The following STXBP4 variants were observed in gnomAD, a reference collection of about 807,000 sequenced individuals.
The protein encoded by STXBP4 is syntaxin binding protein 4, also known as syntaxin-binding protein 4.
In STXBP4, 55 loss-of-function variants were observed where a neutral mutation model predicts 76.1. The ratio of observed to expected loss-of-function variants is 0.72; its 90% CI spans 0.58 to 0.91. The LOEUF (loss-of-function observed/expected upper bound fraction) is 0.91, where lower values mean the gene tolerates loss of function less well. Ranked by LOEUF, STXBP4 falls within the 40% of genes least tolerant of loss-of-function variation. The pLI is 0.00. For synonymous variants in STXBP4, 201 were observed against 220.2 expected (o/e 0.91, Z 0.77); for missense variants, 618 against 636.9 (o/e 0.97, Z 0.32).
intron 1 of STXBP4, among the ~76,000 whole-genome samples, chr17:54,979,734 G>A (rs1268831023): frequency 2.0e-5 from 3 of 152,140 alleles, no homozygotes; most frequent in African/African-American, 7.2e-5. Context: ...TTATTATGAA[G>A]AGACTATTTG....
chr17:55,192,595 G>A, the STXBP4 span, among the ~76,000 whole-genome samples: 1 of 152,120 alleles, frequency 6.6e-6, no homozygotes, highest in Admixed American at 6.5e-5. Flanking sequence ...CCTGAAGAGG[G>A]GAGAAATCAC....
At chr17:55,077,387 T>C (rs533089509) in intron 13 of STXBP4, among the ~76,000 whole-genome samples, 1 of 152,246 alleles carries the variant, frequency 6.6e-6, no homozygotes, top group South Asian at 2.1e-4. Flanking sequence ...CAAACCTGTG[T>C]GAATGGGGAC....
At chr17:55,210,111 G>A in the STXBP4 span, among the ~76,000 whole-genome samples, 2 of 152,180 alleles carry the variant, frequency 1.3e-5, no homozygotes, top group Non-Finnish European at 2.9e-5. Context: ...GCCCACTGAT[G>A]TACCACAGAT....
chr17:55,011,232 AT>A (rs968555049), intron 8 of STXBP4, among the ~76,000 whole-genome samples: 50 of 151,722 alleles, frequency 3.3e-4, no homozygotes, highest in East Asian at 7.7e-4. Flanking sequence ...TATTTGCATT[AT>A]TTTTTTTAAT....
chr17:55,210,787 C>A, the STXBP4 span, among the ~76,000 whole-genome samples: 1 of 152,152 alleles, frequency 6.6e-6, no homozygotes, highest in Non-Finnish European at 1.5e-5. Context: ...AATATGGGCC[C>A]TGCTCTTTTT....
At chr17:55,190,487 T>A in the STXBP4 span, among the ~76,000 whole-genome samples, 1 of 152,210 alleles carries the variant, frequency 6.6e-6, no homozygotes, top group East Asian at 1.9e-4. Flanking sequence ...ATGTCTGACA[T>A]TCCTGCTACA....
chr17:55,158,410 G>A (rs1012838262), intron 17 of STXBP4, among the ~76,000 whole-genome samples: 5 of 152,192 alleles, frequency 3.3e-5, no homozygotes, highest in African/African-American at 4.8e-5. Context: ...GGAGGACGAA[G>A]GCTAGGGAAA....
chr17:55,199,028 T>C, the STXBP4 span, among the ~76,000 whole-genome samples: 1 of 152,190 alleles, frequency 6.6e-6, no homozygotes, highest in Non-Finnish European at 1.5e-5. Flanking sequence ...TTTACAGAAA[T>C]ATTTAATAAA....
intron 12 of STXBP4, among the ~76,000 whole-genome samples, chr17:55,054,446 A>C (rs921496050): frequency 1.3e-5 from 2 of 152,178 alleles, no homozygotes; most frequent in African/African-American, 4.8e-5. Context: ...CTGAGACTAC[A>C]CTGCACTCCA....
chr17:55,211,821 T>C, the STXBP4 span, among the ~76,000 whole-genome samples: 5 of 134,178 alleles, frequency 3.7e-5, no homozygotes, highest in East Asian at 6.2e-4. Context: ...TTTTTTTTTT[T>C]TTTTTTTGAC....
the STXBP4 span, among the ~76,000 whole-genome samples, chr17:55,189,921 A>AAT: frequency 6.6e-6 from 1 of 152,156 alleles, no homozygotes; most frequent in Non-Finnish European, 1.5e-5. Flanking sequence ...TCCTCTCTAG[A>AAT]AGAGTAGAGA....
rs181332147 is a variant in STXBP4 at position 55,002,337 on chromosome 17, T to C, written c.574+1454T>C. On this transcript the variant is annotated intron_variant, in intron 7 of 17. Transcript: ENST00000376352. ...CCTTTTATTCAGTAAGGTTTTACTA[T>C]GTTATATGTGTAGAATACAGTACAA... 3.2e-3 allele frequency among the ~76,000 whole-genome samples: 480 copies of C among 152,350 alleles called. 1 individual carries two copies. The highest frequency in any genetic ancestry group is 4.5e-3 in the Non-Finnish European group (308 of 68,026).
At chr17:55,032,240 A>G (rs1333453266) in intron 9 of STXBP4, among the ~76,000 whole-genome samples, 1 of 151,674 alleles carries the variant, frequency 6.6e-6, no homozygotes, top group Non-Finnish European at 1.5e-5. Context: ...AAGCATCTGT[A>G]TTGCTGAAAA....
intron 16 of STXBP4, among the ~76,000 whole-genome samples, chr17:55,092,164 C>T (rs2079423180): frequency 6.6e-6 from 1 of 151,968 alleles, no homozygotes; most frequent in African/African-American, 2.4e-5. Context: ...AGTAGGAAGG[C>T]TGGGAGGGGG....
At chr17:55,062,809 T>C (rs1181330446) in intron 12 of STXBP4, among the ~76,000 whole-genome samples, 1 of 152,224 alleles carries the variant, frequency 6.6e-6, no homozygotes. Flanking sequence ...CGTGAGATGC[T>C]ATCTCATTGT....
chr17:54,976,025 A>G (rs1267569795), intron 1 of STXBP4, among the ~76,000 whole-genome samples: 3 of 152,026 alleles, frequency 2.0e-5, no homozygotes, highest in African/African-American at 7.2e-5. Context: ...TTTTTCTCCC[A>G]CCACTAGAAT....
intron 1 of STXBP4, among the ~76,000 whole-genome samples, chr17:54,984,617 A>G (rs2077600645): frequency 6.6e-6 from 1 of 151,912 alleles, no homozygotes; most frequent in Non-Finnish European, 1.5e-5. Context: ...TACTAGGATT[A>G]CAGGCGTGAA....
chr17:55,156,668 T>G (rs997088069), intron 17 of STXBP4, among the ~76,000 whole-genome samples: 1 of 152,218 alleles, frequency 6.6e-6, no homozygotes, highest in Non-Finnish European at 1.5e-5. Context: ...GTCTCTCTGT[T>G]GCTTTAGTTT....
chr17:55,117,498 A>C lies in STXBP4; in HGVS notation c.1490-23812A>C, dbSNP rs1275836278. ...TTGACTGAATACACATCACATGATCAAGGCTTCCCAACACCCTGACTTTGA... is the reference window on the plus strand; with the variant it reads ...TTGACTGAATACACATCACATGATCCAGGCTTCCCAACACCCTGACTTTGA... On this transcript the variant is annotated intron_variant, in intron 16 of 17. Transcript: ENST00000376352. Among the ~76,000 whole-genome samples, 3 of 151,828 alleles carry C rather than the reference A, an allele frequency of 2.0e-5. No homozygotes were observed. The East Asian group carries it at 5.8e-4, about 29-fold the overall frequency.
Sources: allele counts gnomAD v4.1 joint callset (sites outside exome capture counted in the v4.1 genomes callset), GRCh38; gene constraint gnomAD v4.1.1; transcripts MANE v1.5; gene names NCBI Gene and HGNC (gene_info 2026-07-23, HGNC 2026-07-21).